Variants in HHAT observed in about 807,000 individuals in gnomAD.
HHAT encodes hedgehog acyltransferase, also known as protein-cysteine N-palmitoyltransferase HHAT.
A neutral mutation model predicts 70.8 loss-of-function variants in HHAT; 47 were observed. The ratio of observed to expected loss-of-function variants is 0.66; its 90% CI spans 0.53 to 0.85. The LOEUF is 0.85. Among genes scored for constraint, HHAT ranks in the 40% least tolerant of loss-of-function variants. The probability of loss-of-function intolerance (pLI) is 0.00; values close to 1 mark genes in which losing one functional copy is unlikely to be tolerated. For missense variants in HHAT, 609 were observed against 604.8 expected (o/e 1.01, Z -0.07); for synonymous variants, 228 against 247.6 (o/e 0.92, Z 0.74).
At chr1:210,339,372 C>T (rs2085796861) in intron 1 of HHAT, among the ~76,000 whole-genome samples, 2 of 152,078 alleles carry the variant, frequency 1.3e-5, no homozygotes, top group South Asian at 2.1e-4. Flanking sequence ...TAGATGTGTG[C>T]CCACCCCTTT....
At chr1:210,461,464 A>G (rs935107839) in intron 7 of HHAT, among the ~76,000 whole-genome samples, 10 of 152,076 alleles carry the variant, frequency 6.6e-5, no homozygotes, top group African/African-American at 2.2e-4. Flanking sequence ...ATGCCCGACA[A>G]ATTTTTTGTG....
chr1:210,330,414 GC>G (rs2084885894), intron 1 of HHAT, among the ~76,000 whole-genome samples: 1 of 152,218 alleles, frequency 6.6e-6, no homozygotes, highest in Admixed American at 6.5e-5. Context: ...GATAGAGAAA[GC>G]CTTGGAGGGG....
chr1:210,579,119 G>A (rs927878810), intron 9 of HHAT, among the ~76,000 whole-genome samples: 3 of 152,134 alleles, frequency 2.0e-5, no homozygotes, highest in Non-Finnish European at 4.4e-5. Flanking sequence ...GACACACAGA[G>A]GGGAATGACA....
chr1:210,345,220 G>A (rs529984192), intron 1 of HHAT, among the ~76,000 whole-genome samples: 1 of 152,226 alleles, frequency 6.6e-6, no homozygotes, highest in East Asian at 1.9e-4. Context: ...TTCCTGCTTT[G>A]CATCCTGAGC....
chr1:210,606,856 A>G (rs929717841), intron 10 of HHAT, among the ~76,000 whole-genome samples: 1 of 152,168 alleles, frequency 6.6e-6, no homozygotes, highest in African/African-American at 2.4e-5. Context: ...TCTGTCTTTT[A>G]GCTTTTAGCT....
intron 7 of HHAT, among the ~76,000 whole-genome samples, chr1:210,428,471 C>G (rs2093144856): frequency 6.6e-6 from 1 of 150,896 alleles, no homozygotes; most frequent in South Asian, 2.1e-4. Flanking sequence ...TCTGCTTTGG[C>G]CAAGCTGGTA....
intron 6 of HHAT, among the ~76,000 whole-genome samples, chr1:210,414,531 T>C (rs1277847044): frequency 6.6e-6 from 1 of 152,042 alleles, no homozygotes; most frequent in Admixed American, 6.5e-5. Flanking sequence ...TAAAAATTAG[T>C]CTAGCATAAA....
At chr1:210,366,849 A>G (rs754854132) in intron 3 of HHAT, among the ~76,000 whole-genome samples, 1 of 152,098 alleles carries the variant, frequency 6.6e-6, no homozygotes, top group Non-Finnish European at 1.5e-5. Context: ...GCCCTTACTC[A>G]GACTTCAGAT....
At chr1:210,592,514 G>A (rs1224422678) in intron 10 of HHAT, among the ~76,000 whole-genome samples, 1 of 150,918 alleles carries the variant, frequency 6.6e-6, no homozygotes, top group Non-Finnish European at 1.5e-5. Context: ...TGGTTATTCT[G>A]TGTCTTTTGT....
chr1:210,499,929 A>C (rs1406556659), intron 8 of HHAT, among the ~76,000 whole-genome samples: 1 of 152,250 alleles, frequency 6.6e-6, no homozygotes, highest in Non-Finnish European at 1.5e-5. Flanking sequence ...ACAAATTAGA[A>C]TGAGAATGAT....
chr1:210,512,532 C>T (rs1350452499), intron 8 of HHAT, among the ~76,000 whole-genome samples: 3 of 151,472 alleles, frequency 2.0e-5, no homozygotes, highest in African/African-American at 4.9e-5. Context: ...ATTAGCCAGG[C>T]GTGGTGATGC....
intron 9 of HHAT, among the ~76,000 whole-genome samples, chr1:210,574,131 C>T (rs1206948316): frequency 6.6e-6 from 1 of 152,108 alleles, no homozygotes; most frequent in South Asian, 2.1e-4. Context: ...AGCATATCAG[C>T]AAGTTGAAAG....
chr1:210,516,221 T>TAG (rs1191590570), intron 9 of HHAT, among the ~76,000 whole-genome samples: 3 of 152,162 alleles, frequency 2.0e-5, no homozygotes, highest in Admixed American at 2.0e-4. Context: ...ACGGTGGGGT[T>TAG]AGCAGTGAGG....
chr1:210,349,593 G>A (rs2086829435), intron 2 of HHAT, among the ~76,000 whole-genome samples: 1 of 151,912 alleles, frequency 6.6e-6, no homozygotes, highest in South Asian at 2.1e-4. Flanking sequence ...TGAGTCCCAC[G>A]GGCACAGCTG....
intron 8 of HHAT, among the ~76,000 whole-genome samples, chr1:210,489,427 A>G (rs2094518755): frequency 6.6e-6 from 1 of 152,182 alleles, no homozygotes; most frequent in South Asian, 2.1e-4. Context: ...AATTTAATAC[A>G]TAAATGCTGA....
At chr1:210,502,298 G>A (rs2094772121) in intron 8 of HHAT, among the ~76,000 whole-genome samples, 1 of 145,756 alleles carries the variant, frequency 6.9e-6, no homozygotes, top group African/African-American at 2.5e-5. Flanking sequence ...GCAGGAGAAT[G>A]GCATGAACCC....
At chr1:210,631,475 C>G (rs1013899765) in intron 11 of HHAT, among the ~76,000 whole-genome samples, 1 of 152,222 alleles carries the variant, frequency 6.6e-6, no homozygotes, top group African/African-American at 2.4e-5. Context: ...CAAGCCTGCT[C>G]AGTTGGTCAA....
intron 9 of HHAT, among the ~76,000 whole-genome samples, chr1:210,553,051 T>G (rs2095540831): frequency 6.6e-6 from 1 of 152,208 alleles, no homozygotes; most frequent in Admixed American, 6.5e-5. Flanking sequence ...CATCTTTGCC[T>G]GTTCCACTTC....
At position 210,428,409 on chromosome 1, in the gene HHAT, C is replaced by T. The variant is rs73073768; in HGVS notation, c.856+10084C>T. On this transcript the variant is annotated intron_variant, in intron 7 of 11. Transcript: ENST00000261458. ...CTATCCTTTCACATTACTAAATTTT[C>T]GTTCTTGTTTGATACCCAGACAGTA... is the stretch of plus-strand genomic sequence containing the variant. Among the ~76,000 whole-genome samples the T allele has an allele frequency of 5.7e-3, 825 of 145,712 alleles. 20 individuals carry two copies. Among genetic ancestry groups the T allele is most frequent in the African/African-American group, 0.02 (779 of 38,536 alleles).
Sources: gnomAD v4.1 joint callset for allele counts (sites outside exome capture counted in the v4.1 genomes callset) on GRCh38, gnomAD v4.1.1 for gene constraint, MANE v1.5 for transcripts, NCBI Gene and HGNC (gene_info 2026-07-23, HGNC 2026-07-21) for gene names.